C12orf42: variants seen among roughly 807,000 people sequenced by gnomAD.
The protein encoded by C12orf42 is uncharacterized protein C12orf42.
C12orf42 carries 25 observed loss-of-function variants against 21.6 expected under a neutral mutation model. That is an observed-to-expected ratio of 1.16 (90% confidence interval 0.84 to 1.62). The LOEUF is 1.62. Among genes scored for constraint, C12orf42 ranks in the 40% most tolerant of loss-of-function variants. The probability of loss-of-function intolerance (pLI) is 0.00; values close to 1 mark genes in which losing one functional copy is unlikely to be tolerated. For synonymous variants in C12orf42, 174 were observed against 175.0 expected (o/e 0.99, Z 0.05); for missense variants, 483 against 459.3 (o/e 1.05, Z -0.47).
chr12:103,410,657 A>G (rs7303337), intron 2 of C12orf42, among the ~76,000 whole-genome samples: 29,129 of 152,172 alleles, frequency 0.19, 3,350 homozygotes, highest in East Asian at 0.35. Context: ...AACATTTGGA[A>G]CTGCAACTTT....
In C12orf42 at chr12:103,288,605, A is replaced by C. The variant is rs565147939; in HGVS notation, n.338-11395T>G. Among the ~76,000 whole-genome samples the C allele has an allele frequency of 1.7e-3, 266 of 152,338 alleles. 1 individual carries two copies. The highest frequency in any genetic ancestry group is 6.0e-3 in the African/African-American group (250 of 41,580). On this transcript the variant is annotated intron_variant and non_coding_transcript_variant, in intron 4 of 6. Coordinates refer to the C12orf42 transcript ENST00000546526. ...GATGTTATATTCCATCATTTTCCAC[A>C]GAGCACAATATTTTTATTTTTTCAG...
intron 10 of C12orf42, among the ~76,000 whole-genome samples, chr12:103,251,784 T>C (rs2136195806): frequency 6.6e-6 from 1 of 152,298 alleles, no homozygotes; most frequent in Non-Finnish European, 1.5e-5. Flanking sequence ...CTACAAGTGA[T>C]TGTTTATTGC....
At chr12:103,305,659 A>G (rs2038218027) in intron 5 of C12orf42, among the ~76,000 whole-genome samples, 1 of 152,248 alleles carries the variant, frequency 6.6e-6, no homozygotes, top group Non-Finnish European at 1.5e-5. Flanking sequence ...ATAATATAAA[A>G]TGCCTAGCAC....
At chr12:103,055,955 A>G in the C12orf42 span, among the ~76,000 whole-genome samples, 1 of 152,066 alleles carries the variant, frequency 6.6e-6, no homozygotes, top group Non-Finnish European at 1.5e-5. Flanking sequence ...TTTATGACCC[A>G]TGATATAGTC....
chr12:103,063,957 A>C, the C12orf42 span, among the ~76,000 whole-genome samples: 3 of 152,200 alleles, frequency 2.0e-5, no homozygotes, highest in African/African-American at 7.2e-5. Context: ...GGAGTTAAAA[A>C]GGTTCTAATA....
the C12orf42 span, among the ~76,000 whole-genome samples, chr12:103,218,320 A>G: frequency 6.6e-6 from 1 of 152,026 alleles, no homozygotes; most frequent in African/African-American, 2.4e-5. Context: ...CCACTAGAAT[A>G]TACTCTTCCT....
chr12:103,171,710 G>A, the C12orf42 span, among the ~76,000 whole-genome samples: 3 of 152,100 alleles, frequency 2.0e-5, no homozygotes, highest in South Asian at 6.2e-4. Flanking sequence ...CTAGGGGAAC[G>A]AAACAGGAGA....
chr12:103,505,211 GAGA>G, the C12orf42 span, among the ~76,000 whole-genome samples: 1 of 152,198 alleles, frequency 6.6e-6, no homozygotes, highest in African/African-American at 2.4e-5. Context: ...CATCTATTGA[GAGA>G]AGGAGTGTGA....
the C12orf42 span, among the ~76,000 whole-genome samples, chr12:103,105,763 A>G: frequency 6.6e-6 from 1 of 152,182 alleles, no homozygotes; most frequent in East Asian, 1.9e-4. Flanking sequence ...AAAACTCAAT[A>G]CACAAATTGA....
the C12orf42 span, among the ~76,000 whole-genome samples, chr12:103,177,322 A>C: frequency 6.6e-6 from 1 of 152,142 alleles, no homozygotes; most frequent in Non-Finnish European, 1.5e-5. Context: ...AGTAAGAACA[A>C]AATGCTCTCC....
chr12:103,166,610 T>C, the C12orf42 span, among the ~76,000 whole-genome samples: 2 of 152,214 alleles, frequency 1.3e-5, no homozygotes, highest in African/African-American at 2.4e-5. Context: ...TCAATCCTCA[T>C]TTAATAAATT....
chr12:103,331,688 G>C (rs1367618657), intron 4 of C12orf42, among the ~76,000 whole-genome samples: 1 of 152,224 alleles, frequency 6.6e-6, no homozygotes, highest in East Asian at 1.9e-4. Flanking sequence ...GCAGGGTGTA[G>C]AGACAATGCA....
At chr12:103,223,607 C>T in the C12orf42 span, among the ~76,000 whole-genome samples, 182 of 152,186 alleles carry the variant, frequency 1.2e-3, 1 homozygote, top group East Asian at 0.028. Flanking sequence ...CAGTGTAAAC[C>T]GGCAGTGTAA....
the C12orf42 span, among the ~76,000 whole-genome samples, chr12:103,134,482 A>G: frequency 6.6e-6 from 1 of 152,060 alleles, no homozygotes; most frequent in East Asian, 1.9e-4. Flanking sequence ...AATACATGTA[A>G]AATCTTCAAC....
intron 4 of C12orf42, among the ~76,000 whole-genome samples, chr12:103,366,260 C>A (rs1263706253): frequency 1.3e-5 from 2 of 151,980 alleles, no homozygotes; most frequent in East Asian, 3.9e-4. Context: ...TGGGAAGCCA[C>A]ATGTAGAAGA....
intron 2 of C12orf42, among the ~76,000 whole-genome samples, chr12:103,437,729 C>T (rs1170896488): frequency 3.4e-5 from 5 of 149,100 alleles, no homozygotes; most frequent in Non-Finnish European, 6.0e-5. Flanking sequence ...TCTGAATAGA[C>T]CAATAACAGG....
At chr12:103,071,704 A>T in the C12orf42 span, among the ~76,000 whole-genome samples, 1 of 152,146 alleles carries the variant, frequency 6.6e-6, no homozygotes, top group Admixed American at 6.5e-5. Context: ...TTTGCTCCTT[A>T]TTCACCTTCC....
rs2048007731 is a variant in C12orf42 at position 103,401,641 on chromosome 12, G to T, written c.113C>A (p.Ala38Asp). Residue 38 changes from alanine to aspartate, a missense_variant, in exon 3 of 6, where the codon GCC becomes GAC. Transcript: ENST00000548883. ...GGGTGTGCTTCTATCCCACAGGGTG[G>T]CACTGCTCACAATGGGAATATAGCA... ...SPCYIPIVSS[A>D]TLWDRSTPSA... is the part of the protein sequence containing the mutation. 1.9e-6 allele frequency: 3 copies of T among 1,613,810 alleles called. No individual in the cohort carries two copies. Among genetic ancestry groups the T allele is most frequent in the African/African-American group, 1.3e-5 (1 of 74,926 alleles).
At chr12:103,357,236 T>G (rs1432960700) in intron 4 of C12orf42, among the ~76,000 whole-genome samples, 2 of 151,736 alleles carry the variant, frequency 1.3e-5, no homozygotes, top group Non-Finnish European at 2.9e-5. Flanking sequence ...GCATGGCACA[T>G]GTGTACATAT....
Sources: allele counts gnomAD v4.1 joint callset (sites outside exome capture counted in the v4.1 genomes callset), GRCh38; gene constraint gnomAD v4.1.1; transcripts MANE v1.5; gene names NCBI Gene and HGNC (gene_info 2026-07-23, HGNC 2026-07-21).